SRD5A2: variants seen among roughly 807,000 people sequenced by gnomAD.
SRD5A2 encodes 3-oxo-5-alpha-steroid 4-dehydrogenase 2.
A neutral mutation model predicts 27.4 loss-of-function variants in SRD5A2; 30 were observed. That is an observed-to-expected ratio of 1.10 (90% CI 0.82 to 1.49). The LOEUF (loss-of-function observed/expected upper bound fraction) is 1.49. Ranked by LOEUF, SRD5A2 falls within the 40% of genes most tolerant of loss-of-function variation. The pLI is 0.00. For missense variants in SRD5A2, 348 were observed against 323.4 expected (o/e 1.08, Z -0.58); for synonymous variants, 141 against 133.6 (o/e 1.06, Z -0.38).
At chr2:31,605,625 T>C in the SRD5A2 span, among the ~76,000 whole-genome samples, 1 of 151,728 alleles carries the variant, frequency 6.6e-6, no homozygotes, top group Non-Finnish European at 1.5e-5. Flanking sequence ...AAATGGCTTA[T>C]ATCCAAAAGA....
chr2:31,552,910 C>A (rs1382354641), intron 1 of SRD5A2, among the ~76,000 whole-genome samples: 2 of 152,134 alleles, frequency 1.3e-5, no homozygotes, highest in African/African-American at 4.8e-5. Context: ...AAAAACAAAT[C>A]TCCAGCAACC....
chr2:31,580,465 C>A (rs752924894), intron 1 of SRD5A2, among the ~76,000 whole-genome samples, 155 bp downstream of exon 1: 2 of 152,136 alleles, frequency 1.3e-5, no homozygotes, highest in Non-Finnish European at 1.5e-5. Flanking sequence ...GGCCCCGGCC[C>A]CCGCCAGGTG....
At chr2:31,659,627 G>A in the SRD5A2 span, among the ~76,000 whole-genome samples, 2 of 152,112 alleles carry the variant, frequency 1.3e-5, no homozygotes, top group African/African-American at 4.8e-5. Flanking sequence ...GCTAACCAGG[G>A]AAGTGAAGGA....
chr2:31,648,430 C>A, the SRD5A2 span, among the ~76,000 whole-genome samples: 1 of 152,166 alleles, frequency 6.6e-6, no homozygotes, highest in African/African-American at 2.4e-5. Context: ...AGCCACCTAG[C>A]AACTGCATTT....
chr2:31,609,893 A>T, the SRD5A2 span, among the ~76,000 whole-genome samples: 6 of 152,126 alleles, frequency 3.9e-5, no homozygotes, highest in Non-Finnish European at 8.8e-5. Context: ...TGAAGAGATA[A>T]ATAGCCCAAT....
chr2:31,568,271 G>T (rs1280233555), intron 1 of SRD5A2, among the ~76,000 whole-genome samples: 1 of 152,136 alleles, frequency 6.6e-6, no homozygotes, highest in African/African-American at 2.4e-5. Context: ...CAAGCAGGGG[G>T]GCATGTTTCA....
At chr2:31,631,459 CCT>C in the SRD5A2 span, among the ~76,000 whole-genome samples, 2,505 of 152,174 alleles carry the variant, frequency 0.016, 35 homozygotes, top group South Asian at 0.03. Flanking sequence ...ACTGGCATCC[CCT>C]GTTTTTTTTC....
chr2:31,528,457 T>C (rs1322060112), intron 4 of SRD5A2, among the ~76,000 whole-genome samples: 1 of 152,190 alleles, frequency 6.6e-6, no homozygotes, highest in East Asian at 1.9e-4. Flanking sequence ...AGTGGTTCTC[T>C]AGCCTGCTGT....
the SRD5A2 span, among the ~76,000 whole-genome samples, chr2:31,607,135 AC>A: frequency 6.6e-6 from 1 of 152,058 alleles, no homozygotes; most frequent in Non-Finnish European, 1.5e-5. Context: ...TTGGAAAAAA[AC>A]ATAGCATCAG....
the SRD5A2 span, among the ~76,000 whole-genome samples, chr2:31,628,938 T>C: frequency 6.6e-6 from 1 of 152,198 alleles, no homozygotes; most frequent in African/African-American, 2.4e-5. Context: ...CCTTCTTATG[T>C]AGTATTTCAC....
the SRD5A2 span, among the ~76,000 whole-genome samples, chr2:31,616,443 C>T: frequency 6.6e-6 from 1 of 152,150 alleles, no homozygotes; most frequent in Admixed American, 6.6e-5. Context: ...AAGCCACAGG[C>T]ACAGAGCTAC....
chr2:31,550,626 T>TA (rs1666364225), intron 1 of SRD5A2, among the ~76,000 whole-genome samples: 1 of 151,606 alleles, frequency 6.6e-6, no homozygotes, highest in African/African-American at 2.4e-5. Flanking sequence ...ATTAACAGAA[T>TA]AAAAAAAGAG....
chr2:31,614,926 C>A, the SRD5A2 span, among the ~76,000 whole-genome samples: 1 of 152,070 alleles, frequency 6.6e-6, no homozygotes, highest in African/African-American at 2.4e-5. Context: ...TTCCCTCATA[C>A]TGTTTGCATA....
At chr2:31,634,198 T>C in the SRD5A2 span, among the ~76,000 whole-genome samples, 12 of 151,842 alleles carry the variant, frequency 7.9e-5, no homozygotes, top group African/African-American at 2.9e-4. Flanking sequence ...ATAAAACACA[T>C]GATAAAAGAG....
the SRD5A2 span, among the ~76,000 whole-genome samples, chr2:31,616,905 T>G: frequency 2.0e-5 from 3 of 152,110 alleles, no homozygotes; most frequent in African/African-American, 7.2e-5. Context: ...GTAGCTCCCA[T>G]AATTCCTATG....
chr2:31,605,010 T>C, the SRD5A2 span, among the ~76,000 whole-genome samples: 1 of 151,656 alleles, frequency 6.6e-6, no homozygotes, highest in Admixed American at 6.6e-5. Context: ...ACACCTACAG[T>C]GAACTGATTT....
chr2:31,640,913 G>A, the SRD5A2 span, among the ~76,000 whole-genome samples: 5 of 152,116 alleles, frequency 3.3e-5, no homozygotes, highest in Admixed American at 1.3e-4. Context: ...AAGATCACTG[G>A]TTACCTCAAT....
At chr2:31,607,751 T>C in the SRD5A2 span, among the ~76,000 whole-genome samples, 5 of 152,054 alleles carry the variant, frequency 3.3e-5, no homozygotes, top group African/African-American at 9.7e-5. Context: ...TTTTTTATTT[T>C]CGTCTTAAAA....
the SRD5A2 span, among the ~76,000 whole-genome samples, chr2:31,615,441 T>C: frequency 6.6e-6 from 1 of 152,190 alleles, no homozygotes; most frequent in East Asian, 1.9e-4. Context: ...ACTCTTGCTA[T>C]GTTTTAGCAA....
Sources: gnomAD v4.1 joint callset for allele counts (sites outside exome capture counted in the v4.1 genomes callset) on GRCh38, gnomAD v4.1.1 for gene constraint, MANE v1.5 for transcripts, NCBI Gene and HGNC (gene_info 2026-07-23, HGNC 2026-07-21) for gene names.